The following TAOK3 variants were observed in gnomAD, a reference collection of about 807,000 sequenced individuals.
TAOK3 encodes the protein TAO kinase 3.
In TAOK3, 40 loss-of-function variants were observed where a neutral mutation model predicts 120.4. The ratio of observed to expected loss-of-function variants is 0.33; its 90% CI spans 0.26 to 0.43. The LOEUF (loss-of-function observed/expected upper bound fraction) is 0.43. TAOK3 is among the 20% of genes least tolerant of loss of function. TAOK3 has a pLI of 1.00. For missense variants in TAOK3, 821 were observed against 1,112.1 expected (o/e 0.74, Z 3.72); for synonymous variants, 355 against 387.5 (o/e 0.92, Z 0.99).
intron 13 of TAOK3, among the ~76,000 whole-genome samples, chr12:118,193,952 TTAG>T (rs2037569210): frequency 6.6e-6 from 1 of 152,240 alleles, no homozygotes; most frequent in East Asian, 1.9e-4. Flanking sequence ...TGCTTGATAC[TTAG>T]TAGGTATTCA....
At chr12:118,348,355 C>A (rs1018822082) in intron 1 of TAOK3, among the ~76,000 whole-genome samples, 1 of 152,238 alleles carries the variant, frequency 6.6e-6, no homozygotes, top group Non-Finnish European at 1.5e-5. Flanking sequence ...ATGGAGGAGG[C>A]AGTGTTAAAC....
chr12:118,361,612 C>G (rs1175022152), intron 1 of TAOK3, among the ~76,000 whole-genome samples: 1 of 151,936 alleles, frequency 6.6e-6, no homozygotes, highest in Non-Finnish European at 1.5e-5. Context: ...CATGCACCAC[C>G]ACATCCAGCT....
intron 1 of TAOK3, among the ~76,000 whole-genome samples, chr12:118,321,949 T>C (rs1296039711): frequency 1.3e-5 from 2 of 151,812 alleles, no homozygotes; most frequent in African/African-American, 4.8e-5. Context: ...ACCCAAAAAA[T>C]CCAGGAGTAA....
intron 1 of TAOK3, among the ~76,000 whole-genome samples, chr12:118,270,673 T>TTA (rs1379303486): frequency 2.0e-5 from 3 of 148,466 alleles, no homozygotes; most frequent in Admixed American, 2.0e-4. Flanking sequence ...ATGTCACTTT[T>TTA]TTTTTTTTTT....
intron 1 of TAOK3, among the ~76,000 whole-genome samples, chr12:118,286,645 G>C (rs2042278144): frequency 6.6e-6 from 1 of 151,820 alleles, no homozygotes. Context: ...TACAACCACT[G>C]TGGAAAACAG....
chr12:118,243,359 A>C, intron 5 of TAOK3, 56 bp downstream of exon 5: 1 of 975,542 alleles, frequency 1.0e-6, no homozygotes, highest in South Asian at 1.5e-5. Flanking sequence ...ATAATAGAAA[A>C]AAAAGAAAAA....
At chr12:118,336,600 T>G (rs2044376383) in intron 1 of TAOK3, among the ~76,000 whole-genome samples, 1 of 151,784 alleles carries the variant, frequency 6.6e-6, no homozygotes. Flanking sequence ...ATCAATAAAT[T>G]GTACCTAATC....
intron 1 of TAOK3, among the ~76,000 whole-genome samples, chr12:118,330,545 C>T (rs1297530785): frequency 2.0e-5 from 3 of 152,004 alleles, no homozygotes; most frequent in Non-Finnish European, 4.4e-5. Flanking sequence ...TGTCTGGCTG[C>T]AGTTGATAGT....
At chr12:118,355,235 C>T (rs145780227) in intron 1 of TAOK3, among the ~76,000 whole-genome samples, 5 of 152,096 alleles carry the variant, frequency 3.3e-5, no homozygotes, top group African/African-American at 4.8e-5. Flanking sequence ...TCTATTGTCA[C>T]CAAAACAAAA....
chr12:118,267,886 A>G (rs1487766184), intron 1 of TAOK3, among the ~76,000 whole-genome samples: 2 of 112,490 alleles, frequency 1.8e-5, no homozygotes, highest in Non-Finnish European at 4.1e-5. Context: ...CTCCATCTCA[A>G]AAAAAAAAAA....
intron 1 of TAOK3, among the ~76,000 whole-genome samples, chr12:118,281,422 T>C (rs2042096054): frequency 6.6e-6 from 1 of 152,184 alleles, no homozygotes; most frequent in South Asian, 2.1e-4. Flanking sequence ...AGAATAATGT[T>C]TTACATGAAA....
chr12:118,369,105 T>A (rs1171037609), intron 1 of TAOK3, among the ~76,000 whole-genome samples: 1 of 151,852 alleles, frequency 6.6e-6, no homozygotes, highest in Non-Finnish European at 1.5e-5. Context: ...AGAGGATCGC[T>A]TGATCTTGGG....
chr12:118,356,295 CTTTTTTTTTTTT>C (rs949021724), intron 1 of TAOK3, among the ~76,000 whole-genome samples: 5 of 109,338 alleles, frequency 4.6e-5, no homozygotes, highest in African/African-American at 1.8e-4. Flanking sequence ...TGGTCACTTT[CTTTTTTTTTTTT>C]TTTTTTTTTT....
At chr12:118,181,275 C>T (rs2138877090) in intron 15 of TAOK3, 96 bp downstream of exon 15, 13 of 1,068,200 alleles carry the variant, frequency 1.2e-5, no homozygotes, top group Middle Eastern at 2.7e-4. Flanking sequence ...AACAATTTTC[C>T]TCCATCCCCC....
At chr12:118,347,408 ACTC>A (rs1190084678) in intron 1 of TAOK3, among the ~76,000 whole-genome samples, 1 of 150,914 alleles carries the variant, frequency 6.6e-6, no homozygotes, top group Non-Finnish European at 1.5e-5. Flanking sequence ...CTCTCTCCCA[ACTC>A]CTCCTTTTGG....
intron 14 of TAOK3, among the ~76,000 whole-genome samples, chr12:118,188,261 A>G (rs2037196864): frequency 6.6e-6 from 1 of 152,224 alleles, no homozygotes; most frequent in South Asian, 2.1e-4. Flanking sequence ...GATGGTAAGT[A>G]GTCATAGTTC....
At chr12:118,279,271 T>C (rs2042009072) in intron 1 of TAOK3, among the ~76,000 whole-genome samples, 1 of 152,180 alleles carries the variant, frequency 6.6e-6, no homozygotes, top group Admixed American at 6.5e-5. Context: ...TTTAATGGGA[T>C]TGTTTTTTGC....
chr12:118,164,416 A>G (rs2035445111), intron 17 of TAOK3, among the ~76,000 whole-genome samples: 1 of 151,958 alleles, frequency 6.6e-6, no homozygotes, highest in Admixed American at 6.6e-5. Context: ...CTTTATTTAT[A>G]CTTATTTATT....
At chr12:118,192,208 G>A (rs554601196) in intron 13 of TAOK3, among the ~76,000 whole-genome samples, 2 of 152,192 alleles carry the variant, frequency 1.3e-5, no homozygotes, top group African/African-American at 2.4e-5. Flanking sequence ...CTAAACTTGA[G>A]GAAGTTGAAG....
Sources: allele counts gnomAD v4.1 joint callset (sites outside exome capture counted in the v4.1 genomes callset), GRCh38; gene constraint gnomAD v4.1.1; transcripts MANE v1.5; gene names NCBI Gene and HGNC (gene_info 2026-07-23, HGNC 2026-07-21).